Variants in SATB2 observed in about 807,000 individuals in gnomAD.
The protein encoded by SATB2 is SATB homeobox 2.
In SATB2, 1 loss-of-function variant was observed where a neutral mutation model predicts 73.4. The ratio of observed to expected loss-of-function variants is 0.01; its 90% confidence interval spans 0.00 to 0.06. SATB2 has a LOEUF of 0.06. SATB2 is among the 10% of genes least tolerant of loss of function. The pLI, the probability that SATB2 is intolerant of heterozygous loss-of-function variation, is 1.00. For missense variants in SATB2, 459 were observed against 945.8 expected (o/e 0.49, Z 6.75); for synonymous variants, 397 against 367.0 (o/e 1.08, Z -0.93).
chr2:199,412,480 C>T (rs780053851), intron 3 of SATB2, among the ~76,000 whole-genome samples: 9 of 152,214 alleles, frequency 5.9e-5, no homozygotes, highest in Admixed American at 2.6e-4. Context: ...CCTCACCACA[C>T]GCCCCTCCTG....
At chr2:199,381,934 A>G (rs1446972734) in intron 3 of SATB2, 114 bp from the exon 4 acceptor site, 2 of 1,194,412 alleles carry the variant, frequency 1.7e-6, no homozygotes, top group South Asian at 2.6e-5. Context: ...GCCCACTCAG[A>G]TATTTTACAA....
intron 3 of SATB2, among the ~76,000 whole-genome samples, chr2:199,392,242 C>T (rs1205235940): frequency 6.6e-6 from 1 of 152,040 alleles, no homozygotes; most frequent in Non-Finnish European, 1.5e-5. Flanking sequence ...AATCAAAATT[C>T]CCAGATTCCT....
At chr2:199,299,623 A>C (rs1178011485) in intron 10 of SATB2, among the ~76,000 whole-genome samples, 7 of 116,174 alleles carry the variant, frequency 6.0e-5, no homozygotes, top group Middle Eastern at 4.5e-3. Flanking sequence ...CTCAATGTAC[A>C]TGTGAAATTT....
chr2:199,276,092 A>C (rs1243044081), intron 10 of SATB2, among the ~76,000 whole-genome samples: 1 of 152,216 alleles, frequency 6.6e-6, no homozygotes, highest in Non-Finnish European at 1.5e-5. Flanking sequence ...ATTGCTAAGA[A>C]TCCTTCCTAA....
upstream of SATB2, among the ~76,000 whole-genome samples, chr2:199,469,337 C>T (rs1692658352): frequency 6.6e-6 from 1 of 152,174 alleles, no homozygotes; most frequent in African/African-American, 2.4e-5. Flanking sequence ...GGTCTTCCCG[C>T]CCGTCGTCTG....
intron 2 of SATB2, among the ~76,000 whole-genome samples, chr2:199,446,199 T>A (rs1010180112): frequency 2.9e-4 from 44 of 152,336 alleles, no homozygotes; most frequent in African/African-American, 9.6e-4. Context: ...GATTTATAAG[T>A]TTCAACTGTC....
At chr2:199,407,308 A>AG (rs1491575066) in intron 3 of SATB2, among the ~76,000 whole-genome samples, 11 of 146,246 alleles carry the variant, frequency 7.5e-5, no homozygotes, top group African/African-American at 2.8e-4. Flanking sequence ...AAAAAAAAAA[A>AG]GAGAGAGAAG....
intron 7 of SATB2, among the ~76,000 whole-genome samples, chr2:199,337,095 A>G (rs192020461): frequency 1.3e-5 from 2 of 152,296 alleles, no homozygotes; most frequent in Admixed American, 1.3e-4. Flanking sequence ...TACATCTACA[A>G]CTTTAAATAT....
intron 3 of SATB2, among the ~76,000 whole-genome samples, chr2:199,410,875 T>C: frequency 6.6e-6 from 1 of 152,204 alleles, no homozygotes. Context: ...GGTAAGACAT[T>C]TACATTCACC....
In SATB2 at chr2:199,365,992, A is replaced by G. The variant is rs544030869; in HGVS notation, c.700+2613T>C. 3.3e-5 allele frequency among the ~76,000 whole-genome samples: 5 copies of G among 152,272 alleles called. No homozygotes were observed. The South Asian group carries it at 1.0e-3, about 32-fold the overall frequency. On this transcript the variant is annotated intron_variant, in intron 6 of 10. Coordinates refer to ENST00000417098, the MANE Select transcript of SATB2 (RefSeq NM_001172509.2). ...AAATCATGTTTTTGATTAAGAAGCA[A>G]CCACTTAGTTCCCACTGTTTTATTA...
intron 10 of SATB2, among the ~76,000 whole-genome samples, chr2:199,277,966 CATT>C (rs2105716912): frequency 6.6e-6 from 1 of 152,236 alleles, no homozygotes; most frequent in African/African-American, 2.4e-5. Context: ...TGCCCTTAAA[CATT>C]ATGGTCTCCT....
upstream of SATB2, chr2:199,460,647 A>G (rs778942044): frequency 6.6e-5 from 10 of 152,332 alleles, no homozygotes; most frequent in Non-Finnish European, 1.5e-4. The surrounding 1 kb of genome is among the most constrained non-coding windows in gnomAD (Gnocchi z 4.0). Flanking sequence ...TTAATGAGCT[A>G]TTTTATAAAC....
intron 3 of SATB2, among the ~76,000 whole-genome samples, chr2:199,433,096 G>A (rs901540016): frequency 1.7e-4 from 26 of 152,070 alleles, no homozygotes; most frequent in African/African-American, 5.8e-4. Context: ...TGTTATAAAT[G>A]CAAAAAAATC....
intron 10 of SATB2, among the ~76,000 whole-genome samples, chr2:199,288,971 A>G (rs1692767743): frequency 6.6e-6 from 1 of 152,214 alleles, no homozygotes; most frequent in African/African-American, 2.4e-5. Flanking sequence ...AGCTTATCAG[A>G]CATAGCCTTT....
intron 9 of SATB2, among the ~76,000 whole-genome samples, chr2:199,316,536 C>T (rs1309470207): frequency 6.6e-6 from 1 of 151,992 alleles, no homozygotes; most frequent in African/African-American, 2.4e-5. Context: ...TTTACAGGGA[C>T]CAATTTTTAG....
intron 5 of SATB2, among the ~76,000 whole-genome samples, chr2:199,379,829 G>C (rs139912719): frequency 1.3e-5 from 2 of 149,712 alleles, no homozygotes; most frequent in African/African-American, 4.9e-5. Flanking sequence ...TGCCTGGCCC[G>C]TATACGTAAA....
intron 7 of SATB2, among the ~76,000 whole-genome samples, chr2:199,345,255 A>G (rs549419080): frequency 2.2e-4 from 34 of 151,408 alleles, no homozygotes; most frequent in African/African-American, 7.8e-4. Flanking sequence ...TCTTCTTCCT[A>G]GCGCCAAACT....
intron 2 of SATB2, among the ~76,000 whole-genome samples, chr2:199,434,141 G>A (rs1345207289): frequency 6.6e-6 from 1 of 151,746 alleles, no homozygotes; most frequent in East Asian, 1.9e-4. Flanking sequence ...CTAGTAAATA[G>A]GTTATCAACT....
At chr2:199,446,086 T>C (rs1016805855) in intron 2 of SATB2, among the ~76,000 whole-genome samples, 1 of 152,192 alleles carries the variant, frequency 6.6e-6, no homozygotes. Context: ...GACTTAATAT[T>C]AAGATTCCAA....
Sources: gnomAD v4.1 joint callset for allele counts (sites outside exome capture counted in the v4.1 genomes callset) on GRCh38, gnomAD v4.1.1 for gene constraint, Gnocchi (gnomAD v3.1) non-coding constraint, MANE v1.5 for transcripts, NCBI Gene and HGNC (gene_info 2026-07-23, HGNC 2026-07-21) for gene names.